Variants in GOLGA5 observed in about 807,000 individuals in gnomAD.
GOLGA5 encodes the protein golgin A5.
A neutral mutation model predicts 93.5 loss-of-function variants in GOLGA5; 50 were observed. The ratio of observed to expected loss-of-function variants is 0.53; its 90% CI spans 0.43 to 0.68. The LOEUF (loss-of-function observed/expected upper bound fraction) is 0.68. Ranked by LOEUF, GOLGA5 falls within the 30% of genes least tolerant of loss-of-function variation. The pLI, the probability that GOLGA5 is intolerant of heterozygous loss-of-function variation, is 0.00. For synonymous variants in GOLGA5, 312 were observed against 304.5 expected (o/e 1.02, Z -0.26); for missense variants, 760 against 856.4 (o/e 0.89, Z 1.40).
In GOLGA5 at chr14:92,834,782, C is replaced by CT. The variant is rs1268210033; in HGVS notation, c.1946-776dup. Reference sequence around the variant, plus strand: ...TTGCACCTTAATAGGCTGCCTCTGACTGCCATGTCAAGAATAGACTGCACA... The same window carrying CT: ...TTGCACCTTAATAGGCTGCCTCTGACTTGCCATGTCAAGAATAGACTGCACA... On this transcript the variant is annotated intron_variant, in intron 10 of 12. Transcript: ENST00000163416. 1.1e-4 allele frequency among the ~76,000 whole-genome samples: 17 copies of CT among 152,312 alleles called. No homozygotes were observed. In the East Asian group the frequency reaches 3.1e-3, roughly 28 times the overall value.
intron 3 of GOLGA5, 46 bp from the exon 4 acceptor site, chr14:92,809,254 A>C (rs766062679): frequency 3.1e-6 from 4 of 1,305,010 alleles, no homozygotes; most frequent in Admixed American, 3.5e-5. Flanking sequence ...TCTGAGAAAA[A>C]TGTGTTTGGT....
intron 6 of GOLGA5, among the ~76,000 whole-genome samples, 178 bp from the exon 7 acceptor site, chr14:92,816,073 C>A (rs1885197950): frequency 6.6e-6 from 1 of 152,114 alleles, no homozygotes; most frequent in African/African-American, 2.4e-5. Flanking sequence ...AGTCCAAGGA[C>A]ATTATACAGC....
At chr14:92,833,653 CT>C (rs1167406426) in intron 10 of GOLGA5, among the ~76,000 whole-genome samples, 3 of 152,174 alleles carry the variant, frequency 2.0e-5, no homozygotes, top group African/African-American at 7.2e-5. Context: ...TTTCAGGACA[CT>C]TGAAACAAGA....
intron 2 of GOLGA5, among the ~76,000 whole-genome samples, chr14:92,805,815 G>A (rs974419332): frequency 6.6e-6 from 1 of 151,780 alleles, no homozygotes; most frequent in Admixed American, 6.6e-5. Context: ...TATACTGATT[G>A]TTTTAGTCAG....
intron 2 of GOLGA5, among the ~76,000 whole-genome samples, chr14:92,806,276 AT>A (rs1884984187): frequency 6.6e-6 from 1 of 152,168 alleles, no homozygotes; most frequent in Non-Finnish European, 1.5e-5. Flanking sequence ...TGAGAATGAA[AT>A]TTAATCAGAG....
chr14:92,804,176 C>T (rs574748516), intron 2 of GOLGA5, among the ~76,000 whole-genome samples: 1 of 152,126 alleles, frequency 6.6e-6, no homozygotes, highest in Admixed American at 6.5e-5. Flanking sequence ...TATCATCCCA[C>T]ATTTGGATAT....
chr14:92,815,888 G>A (rs1885193265), intron 6 of GOLGA5, among the ~76,000 whole-genome samples: 2 of 151,574 alleles, frequency 1.3e-5, no homozygotes, highest in Non-Finnish European at 2.9e-5. Context: ...TGTATTTTTA[G>A]TAGAGACGGG....
At chr14:92,817,115 AT>A (rs1885226822) in intron 7 of GOLGA5, among the ~76,000 whole-genome samples, 1 of 151,616 alleles carries the variant, frequency 6.6e-6, no homozygotes, top group African/African-American at 2.4e-5. Flanking sequence ...TAATTTTTGT[AT>A]TCTTAGTAGA....
chr14:92,810,160 G>T, intron 4 of GOLGA5, 94 bp from the exon 5 acceptor site: 1 of 800,362 alleles, frequency 1.2e-6, no homozygotes, highest in Non-Finnish European at 2.0e-6. Flanking sequence ...TATCTTTTTT[G>T]TGCTTGACTA....
At chr14:92,825,867 G>A (rs35094841) in intron 9 of GOLGA5, among the ~76,000 whole-genome samples, 112,648 of 139,414 alleles carry the variant, frequency 0.81, 46,291 homozygotes, top group African/African-American at 0.93. Flanking sequence ...AAAAAAAAAA[G>A]AAAAAACAAC....
At chr14:92,803,813 G>A (rs1331297165) in intron 2 of GOLGA5, among the ~76,000 whole-genome samples, 2 of 152,138 alleles carry the variant, frequency 1.3e-5, no homozygotes, top group Non-Finnish European at 2.9e-5. Context: ...TCCTTACCCT[G>A]TTTCTGGCAC....
intron 8 of GOLGA5, among the ~76,000 whole-genome samples, chr14:92,820,811 T>G (rs1885303621): frequency 6.6e-6 from 1 of 152,224 alleles, no homozygotes; most frequent in African/African-American, 2.4e-5. Context: ...TAAACCTTGA[T>G]TCCATACAAC....
intron 6 of GOLGA5, among the ~76,000 whole-genome samples, chr14:92,812,061 T>C (rs1335734007): frequency 6.6e-6 from 1 of 152,202 alleles, no homozygotes; most frequent in Non-Finnish European, 1.5e-5. Context: ...TGATCTCCTA[T>C]TGAATTTTTG....
intron 2 of GOLGA5, among the ~76,000 whole-genome samples, chr14:92,805,615 A>T (rs1884968309): frequency 6.6e-6 from 1 of 152,192 alleles, no homozygotes; most frequent in Non-Finnish European, 1.5e-5. Context: ...ACCAGCAGTG[A>T]GAGGTCTAGT....
At chr14:92,814,875 G>A (rs1885171883) in intron 6 of GOLGA5, among the ~76,000 whole-genome samples, 1 of 152,000 alleles carries the variant, frequency 6.6e-6, no homozygotes, top group Non-Finnish European at 1.5e-5. Flanking sequence ...AGTAAATATT[G>A]TAGGCTATGT....
intron 9 of GOLGA5, among the ~76,000 whole-genome samples, chr14:92,824,899 A>G (rs1885386093): frequency 6.6e-6 from 1 of 152,190 alleles, no homozygotes; most frequent in African/African-American, 2.4e-5. Flanking sequence ...TTACCCCGAA[A>G]TTTCAGACCT....
At chr14:92,831,457 T>C (rs1410034149) in intron 9 of GOLGA5, among the ~76,000 whole-genome samples, 2 of 152,204 alleles carry the variant, frequency 1.3e-5, no homozygotes, top group African/African-American at 4.8e-5. Flanking sequence ...GGATTCATAC[T>C]GTGTGATTCC....
intron 8 of GOLGA5, among the ~76,000 whole-genome samples, chr14:92,823,918 A>G (rs1885365339): frequency 6.6e-6 from 1 of 152,072 alleles, no homozygotes; most frequent in Non-Finnish European, 1.5e-5. Context: ...CCCTTTAGAA[A>G]TGTTTTAAAG....
At chr14:92,830,250 G>A (rs534687354) in intron 9 of GOLGA5, among the ~76,000 whole-genome samples, 8 of 152,260 alleles carry the variant, frequency 5.3e-5, no homozygotes, top group Non-Finnish European at 8.8e-5. Flanking sequence ...CCTGGGAGGC[G>A]GAGGTTGCAG....
Sources: allele counts gnomAD v4.1 joint callset (sites outside exome capture counted in the v4.1 genomes callset), GRCh38; gene constraint gnomAD v4.1.1; transcripts MANE v1.5; gene names NCBI Gene and HGNC (gene_info 2026-07-23, HGNC 2026-07-21).